The following MINDY2 variants were observed in gnomAD, a reference collection of about 807,000 sequenced individuals.
The protein encoded by MINDY2 is MINDY lysine 48 deubiquitinase 2, also known as ubiquitin carboxyl-terminal hydrolase MINDY-2.
A neutral mutation model predicts 68.2 loss-of-function variants in MINDY2; 52 were observed. The ratio of observed to expected loss-of-function variants is 0.76; its 90% CI spans 0.61 to 0.96. The LOEUF is 0.96. MINDY2 is among the 40% of genes least tolerant of loss of function. The probability of loss-of-function intolerance (pLI) is 0.00; values close to 1 mark genes in which losing one functional copy is unlikely to be tolerated. For missense variants in MINDY2, 881 were observed against 773.4 expected (o/e 1.14, Z -1.65); for synonymous variants, 372 against 303.0 (o/e 1.23, Z -2.36).
chr15:58,804,684 A>G (rs1002387382), intron 3 of MINDY2, among the ~76,000 whole-genome samples: 1 of 151,962 alleles, frequency 6.6e-6, no homozygotes, highest in South Asian at 2.1e-4. Flanking sequence ...GCACACGCCT[A>G]TAGTCCCAGC....
rs370497106 is a variant in MINDY2 at position 58,857,288 on chromosome 15, C to G, written c.*2678C>G. The G allele has an allele frequency of 6.6e-6, 1 of 152,196 alleles. No homozygotes were observed. Among genetic ancestry groups the G allele is most frequent in the South Asian group, 2.1e-4 (1 of 4,832 alleles). The allele number at this position is 152,196 out of a possible 1,614,324, so 9.4% of individuals were successfully genotyped here. On this transcript the variant is annotated 3_prime_UTR_variant, in exon 9 of 9. Coordinates refer to ENST00000559228, the MANE Select transcript of MINDY2 (RefSeq NM_001040450.3). ...TTAGATCATGCCTGTAATCCCAGTA[C>G]TTTGGGAGGCCGAGGCAGGTGGATC...
intron 6 of MINDY2, among the ~76,000 whole-genome samples, chr15:58,835,484 C>A (rs59851506): frequency 1.5e-4 from 23 of 152,052 alleles, no homozygotes; most frequent in Admixed American, 1.1e-3. Flanking sequence ...GAAACCCCGT[C>A]TTTACTAAAA....
Position 58,771,774 on chromosome 15 carries a change from G to A in MINDY2, c.379G>A (p.Gly127Arg). 1 of 1,610,412 alleles carries A rather than the reference G, an allele frequency of 6.2e-7. No individual in the cohort carries two copies. The highest frequency in any genetic ancestry group is 8.5e-7 in the Non-Finnish European group (1 of 1,179,052). The change falls in exon 1 of 9, where the codon GGA becomes AGA. Residue 127 changes from glycine (G) to arginine (R), a missense_variant. Gly to Arg is a moderately radical substitution (Grantham distance 125). Transcript: ENST00000559228. ...AGTGGGTCATGAGTTGGGTACCGCC[G>A]GAGACGCGGGAGCCCGCCCGGATCT... ...AGVGHELGTA[G>R]DAGARPDLAG...
chr15:58,793,095 T>C (rs1595715900), intron 2 of MINDY2, among the ~76,000 whole-genome samples: 2 of 151,740 alleles, frequency 1.3e-5, no homozygotes, highest in Non-Finnish European at 2.9e-5. Context: ...AGAGATGGGG[T>C]GAAATGGGGG....
At chr15:58,772,700 A>G (rs1900516392) in intron 1 of MINDY2, among the ~76,000 whole-genome samples, 1 of 151,906 alleles carries the variant, frequency 6.6e-6, no homozygotes, top group African/African-American at 2.4e-5. Context: ...GTGTGTAGAT[A>G]CTTAAGAGAA....
intron 3 of MINDY2, among the ~76,000 whole-genome samples, chr15:58,806,659 A>G (rs760353615): frequency 5.3e-5 from 8 of 152,318 alleles, no homozygotes; most frequent in Middle Eastern, 6.8e-3. Flanking sequence ...TAGAAATCAT[A>G]TTGCCCCTAA....
chr15:58,836,867 A>C (rs2032021565), intron 6 of MINDY2, among the ~76,000 whole-genome samples: 1 of 152,044 alleles, frequency 6.6e-6, no homozygotes, highest in Admixed American at 6.6e-5. Context: ...CAGTCTGCCC[A>C]ACTCAACCTC....
chr15:58,842,766 A>T (rs1289619318), intron 6 of MINDY2, among the ~76,000 whole-genome samples: 2 of 152,196 alleles, frequency 1.3e-5, no homozygotes, highest in African/African-American at 4.8e-5. Flanking sequence ...GGATTATCTC[A>T]TTTAATCTTC....
chr15:58,821,674 C>A, intron 4 of MINDY2, 43 bp from the exon 5 acceptor site: 1 of 1,218,182 alleles, frequency 8.2e-7, no homozygotes, highest in Non-Finnish European at 1.1e-6. Context: ...TTGTTTTGTT[C>A]CTAATCTTAC....
chr15:58,784,742 C>T (rs533620164), intron 1 of MINDY2, among the ~76,000 whole-genome samples: 292 of 151,530 alleles, frequency 1.9e-3, no homozygotes, highest in African/African-American at 6.7e-3. Flanking sequence ...ACCTCAGCCT[C>T]CCAAATAGCT....
At chr15:58,854,029 A>G (rs188270305) in intron 8 of MINDY2, among the ~76,000 whole-genome samples, 2 of 151,730 alleles carry the variant, frequency 1.3e-5, no homozygotes, top group East Asian at 2.0e-4. Flanking sequence ...CGGATCACAA[A>G]GTCAGGAGTG....
intron 5 of MINDY2, among the ~76,000 whole-genome samples, chr15:58,831,041 G>GTGTGTA (rs565786025): frequency 2.5e-4 from 31 of 124,908 alleles, no homozygotes; most frequent in South Asian, 1.2e-3. Flanking sequence ...GTGTGTGTGT[G>GTGTGTA]TATATATATA....
At chr15:58,824,671 C>CTTTTTTTTTTT (rs559754099) in intron 5 of MINDY2, among the ~76,000 whole-genome samples, 1 of 135,182 alleles carries the variant, frequency 7.4e-6, no homozygotes. Context: ...ATCATATTAT[C>CTTTTTTTTTTT]TTTTTTTTTT....
rs59102287 is a variant in MINDY2 at position 58,838,352 on chromosome 15, C to T, written c.1368+6436C>T. On this transcript the variant is annotated intron_variant, in intron 6 of 8. Coordinates refer to ENST00000559228, the MANE Select transcript of MINDY2 (RefSeq NM_001040450.3). ...GGCGGAGGTTGTAGTGAGCCAAGAT[C>T]ATGCCACTGCACTCCAGCCTGGGTG... Among the ~76,000 whole-genome samples, 1,353 of 151,924 alleles carry T rather than the reference C, an allele frequency of 8.9e-3. 20 individuals are homozygous for T. Among genetic ancestry groups the T allele is most frequent in the African/African-American group, 0.031 (1,275 of 41,446 alleles).
At chr15:58,832,187 G>GA (rs1204793654) in intron 6 of MINDY2, among the ~76,000 whole-genome samples, 5 of 147,476 alleles carry the variant, frequency 3.4e-5, no homozygotes, top group East Asian at 2.0e-4. Flanking sequence ...CTTTCTGAGA[G>GA]AAAAAAAAGA....
chr15:58,800,170 C>T (rs1232002219), intron 2 of MINDY2, among the ~76,000 whole-genome samples: 1 of 152,048 alleles, frequency 6.6e-6, no homozygotes, highest in Non-Finnish European at 1.5e-5. Context: ...TTTTTTTGGC[C>T]TAAAGTAGCT....
intron 1 of MINDY2, among the ~76,000 whole-genome samples, chr15:58,773,031 G>A (rs150876792): frequency 6.6e-6 from 1 of 152,238 alleles, no homozygotes; most frequent in East Asian, 1.9e-4. Flanking sequence ...CAAATGAAGT[G>A]TCTCATTTAA....
chr15:58,860,980 A>G lies in MINDY2; in HGVS notation c.*6370A>G, dbSNP rs1307764592. On this transcript the variant is annotated 3_prime_UTR_variant, in exon 9 of 9. Coordinates refer to ENST00000559228, the MANE Select transcript of MINDY2 (RefSeq NM_001040450.3). ...ATGACAGCTTGTTACAGATTCACAC[A>G]TTACAAGTAGGACAGTATAACAGGA... 1 of 152,232 alleles carries G rather than the reference A, an allele frequency of 6.6e-6. No individual in the cohort carries two copies. The highest frequency in any genetic ancestry group is 2.4e-5 in the African/African-American group (1 of 41,470). The allele number at this position is 152,232 out of a possible 1,614,324, so 9.4% of individuals were successfully genotyped here.
At position 58,844,825 on chromosome 15, in the gene MINDY2, C is replaced by T. The variant is rs1379065710; in HGVS notation, c.1369-2472C>T. Among the ~76,000 whole-genome samples the T allele has an allele frequency of 3.5e-5, 5 of 144,148 alleles. No homozygotes were observed. The Admixed American group carries it at 3.7e-4, about 11-fold the overall frequency. The allele number at this position is 144,148 out of a possible 152,430, so 94.6% of individuals were successfully genotyped here. A position where few individuals can be genotyped will look rare whatever the true frequency, so the allele number is the denominator to read the frequency against. On this transcript the variant is annotated intron_variant, in intron 6 of 8. Coordinates refer to ENST00000559228, the MANE Select transcript of MINDY2 (RefSeq NM_001040450.3). ...GCAGCTACTTGGGGCTGAGGCAGGA[C>T]AGTCGCTTGAACCCAAGAGGCTGAG...
Sources: gnomAD v4.1 joint callset for allele counts (sites outside exome capture counted in the v4.1 genomes callset) on GRCh38, gnomAD v4.1.1 for gene constraint, MANE v1.5 for transcripts, NCBI Gene and HGNC (gene_info 2026-07-23, HGNC 2026-07-21) for gene names.